Variants in DYNAP observed in about 807,000 individuals in gnomAD.
The protein encoded by DYNAP is dynactin associated protein, also known as dynactin-associated protein.
A neutral mutation model predicts 8.5 loss-of-function variants in DYNAP; 7 were observed. The ratio of observed to expected loss-of-function variants is 0.82; its 90% CI spans 0.47 to 1.54. DYNAP has a LOEUF of 1.54. Ranked by LOEUF, DYNAP falls within the 40% of genes most tolerant of loss-of-function variation. DYNAP has a pLI of 0.01. For missense variants in DYNAP, 256 were observed against 224.3 expected (o/e 1.14, Z -0.90); for synonymous variants, 77 against 77.9 (o/e 0.99, Z 0.06).
chr18:54,586,530 A>C (rs758094175), upstream of DYNAP, among the ~76,000 whole-genome samples: 6 of 152,168 alleles, frequency 3.9e-5, no homozygotes, highest in Admixed American at 6.6e-5. Context: ...CTCCCTGATG[A>C]ATCTTGATAC....
the DYNAP span, among the ~76,000 whole-genome samples, chr18:54,578,365 T>C: frequency 6.6e-6 from 1 of 152,264 alleles, no homozygotes; most frequent in African/African-American, 2.4e-5. Context: ...ATGAATATTT[T>C]ACTTCTGACT....
the DYNAP span, among the ~76,000 whole-genome samples, chr18:54,581,992 A>G: frequency 6.6e-6 from 1 of 152,324 alleles, no homozygotes; most frequent in East Asian, 1.9e-4. Context: ...TACAAATGCA[A>G]TTGAAATGAT....
chr18:54,593,705 G>A (rs191352539), intron 1 of DYNAP, among the ~76,000 whole-genome samples: 1 of 151,670 alleles, frequency 6.6e-6, no homozygotes, highest in Admixed American at 6.6e-5. Context: ...CCAGAGGAGT[G>A]CTTGAGCCCA....
chr18:54,583,137 A>G (rs1910774032), upstream of DYNAP, among the ~76,000 whole-genome samples: 1 of 152,136 alleles, frequency 6.6e-6, no homozygotes, highest in Non-Finnish European at 1.5e-5. Flanking sequence ...AGCAGAAAGG[A>G]ATATAGTTAT....
upstream of DYNAP, chr18:54,591,082 G>T (rs1220615710): frequency 1.0e-6 from 1 of 974,774 alleles, no homozygotes; most frequent in Non-Finnish European, 1.4e-6. Context: ...GCGTCTTTCT[G>T]CAGTTAACAT....
Position 54,598,161 on chromosome 18 carries a change from C to T in DYNAP, c.*16C>T, listed in dbSNP as rs1911396272. On this transcript the variant is annotated 3_prime_UTR_variant, in exon 3 of 3. Coordinates refer to ENST00000648945, the MANE Select transcript of DYNAP (RefSeq NM_173629.3). ...TCATTTATAATTTGAACAGCCATAG[C>T]CATCACTTCAACTGAAACTTCAACC... 3.2e-6 allele frequency: 5 copies of T among 1,587,046 alleles called. No individual in the cohort carries two copies. The highest frequency in any genetic ancestry group is 4.3e-6 in the Non-Finnish European group (5 of 1,164,898).
chr18:54,589,021 T>G (rs2144884032), upstream of DYNAP, among the ~76,000 whole-genome samples: 1 of 152,282 alleles, frequency 6.6e-6, no homozygotes, highest in Non-Finnish European at 1.5e-5. Flanking sequence ...ATGTCTAAGA[T>G]CACATGGCCG....
chr18:54,581,710 G>T, the DYNAP span, among the ~76,000 whole-genome samples: 4 of 151,826 alleles, frequency 2.6e-5, no homozygotes, highest in African/African-American at 9.7e-5. Context: ...TATGAAGAAA[G>T]AATTATATAT....
intron 2 of DYNAP, among the ~76,000 whole-genome samples, chr18:54,596,531 A>G (rs532942266): frequency 6.6e-6 from 1 of 152,268 alleles, no homozygotes; most frequent in East Asian, 1.9e-4. Flanking sequence ...GATGAATCTA[A>G]TGTACAACTA....
chr18:54,578,796 T>G, the DYNAP span, among the ~76,000 whole-genome samples: 1 of 152,042 alleles, frequency 6.6e-6, no homozygotes, highest in African/African-American at 2.4e-5. Flanking sequence ...TATTTTTTAT[T>G]TTTATTATTA....
chr18:54,576,733 G>T, the DYNAP span, among the ~76,000 whole-genome samples: 1,408 of 152,098 alleles, frequency 9.3e-3, 4 homozygotes, highest in Non-Finnish European at 0.013. Flanking sequence ...AGCCCAGGAA[G>T]TCGAGGCTGC....
Position 54,598,221 on chromosome 18 carries a change from C to A in DYNAP, c.*76C>A, listed in dbSNP as rs547472348. ...TCAACTCAGTTTGCAACTATAATAG[C>A]TACTCCTATCACTTCAAGTGGAATC... is the stretch of plus-strand genomic sequence containing the variant. On this transcript the variant is annotated 3_prime_UTR_variant, in exon 3 of 3. Coordinates refer to ENST00000648945, the MANE Select transcript of DYNAP (RefSeq NM_173629.3). 2.1e-6 allele frequency: 3 copies of A among 1,408,628 alleles called. No individual in the cohort carries two copies. Among genetic ancestry groups the A allele is most frequent in the Non-Finnish European group, 2.9e-6 (3 of 1,029,112 alleles). 87.3% of individuals were successfully genotyped at this position (1,408,628 alleles called of 1,614,324 possible).
At chr18:54,587,733 A>G (rs2144882964), upstream of DYNAP, 2 of 397,488 alleles carry the variant, frequency 5.0e-6, no homozygotes, top group East Asian at 7.2e-5. Flanking sequence ...AAGAAAAAAT[A>G]GTTTATTTTG....
the DYNAP span, among the ~76,000 whole-genome samples, chr18:54,579,778 G>A: frequency 6.6e-6 from 1 of 152,174 alleles, no homozygotes; most frequent in Non-Finnish European, 1.5e-5. Context: ...TCACTTCTCT[G>A]ATGGAATTTT....
rs1450120411 is a variant in DYNAP, at chr18:54,594,831, C to A, written c.58-108C>A. ...TTCAGGGGATAAGAAAACATTTATT[C>A]CTTTTAAAAGTCATACTCTTAGGTA... On this transcript the variant is annotated intron_variant, in intron 1 of 2. Coordinates refer to ENST00000648945, the MANE Select transcript of DYNAP (RefSeq NM_173629.3). The A allele has an allele frequency of 7.5e-6, 9 of 1,206,574 alleles. No homozygotes were observed. The Admixed American group carries it at 2.4e-4, about 32-fold the overall frequency. 74.7% of individuals were successfully genotyped at this position (1,206,574 alleles called of 1,614,324 possible).
upstream of DYNAP, among the ~76,000 whole-genome samples, chr18:54,588,091 A>G (rs1910943609): frequency 1.3e-5 from 2 of 152,236 alleles, no homozygotes; most frequent in South Asian, 4.1e-4. Flanking sequence ...AGCTTTCGAT[A>G]AAGAAAGAAT....
the DYNAP span, among the ~76,000 whole-genome samples, chr18:54,576,317 C>A: frequency 1.3e-5 from 2 of 152,092 alleles, no homozygotes; most frequent in Non-Finnish European, 2.9e-5. Flanking sequence ...TAGAAACTGC[C>A]AAACAGCTTA....
Position 54,591,303 on chromosome 18 carries a change from A to G in DYNAP, c.21A>G (p.Lys7=), listed in dbSNP as rs764725166. 33 of 1,612,220 alleles carry G rather than the reference A, an allele frequency of 2.0e-5. No individual in the cohort carries two copies. Among genetic ancestry groups the G allele is most frequent in the African/African-American group, 2.7e-5 (2 of 74,822 alleles). The change falls in exon 1 of 3, where the codon AAA becomes AAG. Residue 7 remains lysine (K), a synonymous_variant. Coordinates refer to ENST00000648945, the MANE Select transcript of DYNAP (RefSeq NM_173629.3). ...CAAGAATGGACAGAAAGCATGGAAAATACATATTGAACGTTGAGCACTCTG... is the reference window on the plus strand; with the variant it reads ...CAAGAATGGACAGAAAGCATGGAAAGTACATATTGAACGTTGAGCACTCTG... MDRKHG[K]YILNVEHSEN...
At chr18:54,587,749 C>T, upstream of DYNAP, 1 of 399,148 alleles carries the variant, frequency 2.5e-6, no homozygotes. Context: ...TTTTGGGTCT[C>T]TCCATATAGG....
Sources: gnomAD v4.1 joint callset for allele counts (sites outside exome capture counted in the v4.1 genomes callset) on GRCh38, gnomAD v4.1.1 for gene constraint, MANE v1.5 for transcripts, NCBI Gene and HGNC (gene_info 2026-07-23, HGNC 2026-07-21) for gene names.